PDE8B: variants seen among roughly 807,000 people sequenced by gnomAD.
PDE8B encodes the protein high affinity cAMP-specific and IBMX-insensitive 3',5'-cyclic phosphodiesterase 8B.
Under a neutral mutation model 101.3 loss-of-function variants are expected in PDE8B, and 26 were observed. That is an observed-to-expected ratio of 0.26 (90% confidence interval 0.19 to 0.36). The LOEUF (loss-of-function observed/expected upper bound fraction) is 0.36, where lower values mean the gene tolerates loss of function less well. Among genes scored for constraint, PDE8B ranks in the 10% least tolerant of loss-of-function variants. PDE8B has a pLI of 1.00. For synonymous variants in PDE8B, 424 were observed against 429.3 expected, an observed-to-expected ratio of 0.99 and a Z score of 0.15; for missense variants, 810 against 1,163.1, an observed-to-expected ratio of 0.70 and a Z score of 4.42.
the PDE8B span, among the ~76,000 whole-genome samples, chr5:77,177,446 C>A: frequency 1.4e-3 from 153 of 112,118 alleles, no homozygotes; most frequent in African/African-American, 5.9e-3. Context: ...ACAATCATAA[C>A]AATAGACTGT....
rs920338765 is a variant in PDE8B at position 77,413,018 on chromosome 5, A to G, written c.1713-93A>G. ...CCTGTGTGTGTGAAGCTATCATCAG[A>G]AGAAAAATGCTTCCATGCCCCACTA... On this transcript the variant is annotated intron_variant, in intron 16 of 21. Transcript: ENST00000264917. 1.3e-5 allele frequency: 13 copies of G among 1,011,298 alleles called. No individual in the cohort carries two copies. In the Middle Eastern group the frequency reaches 9.0e-4, roughly 70 times the overall value. 62.6% of individuals were successfully genotyped at this position (1,011,298 alleles called of 1,614,324 possible). A position where few individuals can be genotyped will look rare whatever the true frequency, so the allele number is the denominator to read the frequency against.
intron 1 of PDE8B, among the ~76,000 whole-genome samples, chr5:77,216,475 A>G (rs556825682): frequency 8.5e-5 from 13 of 152,326 alleles, no homozygotes; most frequent in Admixed American, 2.6e-4. Flanking sequence ...CGTGAGACTT[A>G]TTCACTATCA....
chr5:77,278,479 CT>C (rs1009842088), intron 1 of PDE8B, among the ~76,000 whole-genome samples: 2 of 151,892 alleles, frequency 1.3e-5, no homozygotes, highest in Non-Finnish European at 2.9e-5. Context: ...TACTTCTTTT[CT>C]TTTTTTTGAG....
intron 1 of PDE8B, chr5:77,290,429 G>A: frequency 2.1e-6 from 3 of 1,442,360 alleles, no homozygotes; most frequent in Non-Finnish European, 2.9e-6. Context: ...GAGTCCGACA[G>A]GCCAGTGTGG....
At chr5:77,245,849 G>A (rs57774448) in intron 1 of PDE8B, among the ~76,000 whole-genome samples, 7 of 6,594 alleles carry the variant, frequency 1.1e-3, no homozygotes, top group East Asian at 8.2e-3. Flanking sequence ...TCCCCCCCCC[G>A]CCCCCCCCCC....
the PDE8B span, among the ~76,000 whole-genome samples, chr5:77,188,865 G>C: frequency 6.6e-6 from 1 of 152,182 alleles, no homozygotes; most frequent in African/African-American, 2.4e-5. Context: ...AGTTCAGCTG[G>C]TACCCTGATG....
chr5:77,306,220 A>G (rs905079271), intron 1 of PDE8B, among the ~76,000 whole-genome samples: 8 of 152,160 alleles, frequency 5.3e-5, no homozygotes, highest in Admixed American at 5.2e-4. Context: ...AATGCTTCCA[A>G]TTTTGGAGCA....
intron 17 of PDE8B, among the ~76,000 whole-genome samples, chr5:77,416,044 A>G (rs1251444171): frequency 6.6e-6 from 1 of 152,132 alleles, no homozygotes; most frequent in African/African-American, 2.4e-5. Context: ...TTCCTCCTCG[A>G]CGTAGGGCCT....
chr5:77,129,501 A>T, the PDE8B span, among the ~76,000 whole-genome samples: 1 of 133,528 alleles, frequency 7.5e-6, no homozygotes. Context: ...TACCTTAGAA[A>T]TGGATTACTT....
At position 77,210,844 on chromosome 5, in the gene PDE8B, C is replaced by T; in HGVS notation, c.-82C>T. The stretch of plus-strand genomic sequence containing the variant: ...CAGTCCGGGCGCCGCCGCGGCCGCC[C>T]CCTCACTGCAGGTGGCAGCGGGTGC... On this transcript the variant is annotated 5_prime_UTR_variant, in exon 1 of 22. Transcript: ENST00000264917. The surrounding 1 kb of genome is among the most constrained non-coding windows in gnomAD (Gnocchi z 4.9). 9.4e-7 allele frequency: 1 copy of T among 1,063,948 alleles called. No individual in the cohort carries two copies. The allele number at this position is 1,063,948 out of a possible 1,614,324, so 65.9% of individuals were successfully genotyped here.
At chr5:77,335,330 A>G (rs958585245) in intron 5 of PDE8B, among the ~76,000 whole-genome samples, 2 of 152,202 alleles carry the variant, frequency 1.3e-5, no homozygotes, top group African/African-American at 4.8e-5. Flanking sequence ...TAAAAGCTCA[A>G]ATGGAATCTA....
intron 18 of PDE8B, among the ~76,000 whole-genome samples, chr5:77,419,099 G>A (rs758931450): frequency 5.3e-5 from 8 of 152,234 alleles, no homozygotes; most frequent in African/African-American, 1.2e-4. Flanking sequence ...AAAACATGGA[G>A]ATGAGTTATT....
rs978172584 is a variant in PDE8B, at chr5:77,323,831, C to T, written c.400-1708C>T. Among the ~76,000 whole-genome samples the T allele has an allele frequency of 7.9e-5, 12 of 152,052 alleles. No homozygotes were observed. The East Asian group carries it at 1.9e-3, about 25-fold the overall frequency. On this transcript the variant is annotated intron_variant, in intron 2 of 21. Transcript: ENST00000264917. ...AAAATTAGCCAGGCATGGTGGCGGGCGCCTGTAATCCCAGCTACTCGGGAG... is the reference window on the plus strand; with the variant it reads ...AAAATTAGCCAGGCATGGTGGCGGGTGCCTGTAATCCCAGCTACTCGGGAG...
chr5:77,337,370 A>G (rs891129172), intron 6 of PDE8B, 55 bp downstream of exon 6: 1 of 900,312 alleles, frequency 1.1e-6, no homozygotes, highest in Non-Finnish European at 1.8e-6. Context: ...AGAAAATCTT[A>G]TCTGTCAACA....
chr5:77,423,056 C>T (rs1191579516), intron 20 of PDE8B, among the ~76,000 whole-genome samples: 1 of 152,224 alleles, frequency 6.6e-6, no homozygotes, highest in Non-Finnish European at 1.5e-5. Flanking sequence ...GTTCCAGTTT[C>T]TGCCACTGTG....
chr5:77,407,554 A>G, intron 13 of PDE8B, 97 bp downstream of exon 13: 1 of 853,676 alleles, frequency 1.2e-6, no homozygotes, highest in Non-Finnish European at 2.0e-6. Context: ...AGCTCAGTCT[A>G]GTGGAAGAAG....
chr5:77,172,849 T>C, the PDE8B span, among the ~76,000 whole-genome samples: 10 of 152,292 alleles, frequency 6.6e-5, no homozygotes, highest in South Asian at 1.9e-3. Flanking sequence ...CTTTTCCACT[T>C]GTTTACTTGT....
At chr5:77,311,826 A>G (rs1387118415) in intron 1 of PDE8B, among the ~76,000 whole-genome samples, 168 bp from the exon 2 acceptor site, 24 of 152,056 alleles carry the variant, frequency 1.6e-4, no homozygotes, top group Admixed American at 1.5e-3. Flanking sequence ...CAAAAACAGG[A>G]CTGTGCTATA....
Position 77,427,915 on chromosome 5 carries a change from T to C in PDE8B, c.*1361T>C, listed in dbSNP as rs1462981513. On this transcript the variant is annotated 3_prime_UTR_variant, in exon 22 of 22. Coordinates refer to ENST00000264917, the MANE Select transcript of PDE8B (RefSeq NM_003719.5). ...GAATTAATTGAATCAGTAATTACTT[T>C]TTTCCAATACAAATTGGAATGCAGA... 1.3e-5 allele frequency: 2 copies of C among 152,208 alleles called. No individual in the cohort carries two copies. Among genetic ancestry groups the C allele is most frequent in the Non-Finnish European group, 2.9e-5 (2 of 68,048 alleles). 9.4% of individuals were successfully genotyped at this position (152,208 alleles called of 1,614,324 possible).
Sources: gnomAD v4.1 joint callset for allele counts (sites outside exome capture counted in the v4.1 genomes callset) on GRCh38, gnomAD v4.1.1 for gene constraint, Gnocchi (gnomAD v3.1) non-coding constraint, MANE v1.5 for transcripts, NCBI Gene and HGNC (gene_info 2026-07-23, HGNC 2026-07-21) for gene names.